TSPAN18: variants seen among roughly 807,000 people sequenced by gnomAD.
TSPAN18 encodes the protein tetraspanin 18, also known as tetraspanin-18.
In TSPAN18, 14 loss-of-function variants were observed where a neutral mutation model predicts 27.3. That is an observed-to-expected ratio of 0.51 (90% CI 0.34 to 0.80). The LOEUF is 0.80. TSPAN18 is among the 30% of genes least tolerant of loss of function. The pLI is 0.01. For missense variants in TSPAN18, 268 were observed against 323.9 expected (o/e 0.83, Z 1.32); for synonymous variants, 143 against 136.5 (o/e 1.05, Z -0.33).
intron 2 of TSPAN18, among the ~76,000 whole-genome samples, chr11:44,767,199 C>T (rs78051378): frequency 0.081 from 12,283 of 152,246 alleles, 647 homozygotes; most frequent in South Asian, 0.18. Flanking sequence ...TTGGAGCTAC[C>T]TCAAGTATGA....
chr11:44,854,300 C>A (rs2135196445), intron 2 of TSPAN18, among the ~76,000 whole-genome samples: 1 of 151,794 alleles, frequency 6.6e-6, no homozygotes, highest in South Asian at 2.1e-4. Flanking sequence ...GCACTTTGTT[C>A]CCCAGCCTCA....
In TSPAN18 at chr11:44,804,598, C is replaced by T. The variant is rs184195118; in HGVS notation, c.-153+40086C>T. 9.2e-5 allele frequency among the ~76,000 whole-genome samples: 14 copies of T among 152,306 alleles called. No individual in the cohort carries two copies. In the East Asian group the frequency reaches 9.7e-4, roughly 11 times the overall value. On this transcript the variant is annotated intron_variant, in intron 2 of 9. Coordinates refer to ENST00000520358, the MANE Select transcript of TSPAN18 (RefSeq NM_130783.5). The stretch of plus-strand genomic sequence containing the variant: ...CAGCACAGAGCCTGGCCCTCAGAAG[C>T]TCCGTAACTAACATTTGGGGACTGG...
chr11:44,851,709 C>CCGT (rs1857611085), intron 2 of TSPAN18, among the ~76,000 whole-genome samples: 2 of 151,794 alleles, frequency 1.3e-5, no homozygotes, highest in Admixed American at 6.6e-5. Flanking sequence ...TCTACACCTG[C>CCGT]CGTGCAAATG....
At chr11:44,880,610 C>T (rs1858464162) in intron 3 of TSPAN18, among the ~76,000 whole-genome samples, 1 of 152,220 alleles carries the variant, frequency 6.6e-6, no homozygotes, top group Non-Finnish European at 1.5e-5. Flanking sequence ...AAGTAGGCCA[C>T]TGAGAGATGA....
chr11:44,749,380 T>G (rs1395476912), intron 1 of TSPAN18, among the ~76,000 whole-genome samples: 2 of 152,244 alleles, frequency 1.3e-5, no homozygotes, highest in African/African-American at 4.8e-5. Context: ...TGTGGTTTTC[T>G]GATTTGCCTT....
chr11:44,911,977 A>T (rs3937802), intron 5 of TSPAN18, among the ~76,000 whole-genome samples: 1 of 132,314 alleles, frequency 7.6e-6, no homozygotes, highest in Non-Finnish European at 1.6e-5. Flanking sequence ...CTTTCTGCCT[A>T]TCTCTGTGTA....
intron 2 of TSPAN18, among the ~76,000 whole-genome samples, chr11:44,829,512 G>A (rs1857112041): frequency 2.0e-5 from 3 of 151,974 alleles, no homozygotes; most frequent in Non-Finnish European, 2.9e-5. Context: ...TTTTGGGTAC[G>A]ATAGCTCATT....
At chr11:44,837,307 C>T (rs894422407) in intron 2 of TSPAN18, among the ~76,000 whole-genome samples, 1 of 152,184 alleles carries the variant, frequency 6.6e-6, no homozygotes, top group South Asian at 2.1e-4. Context: ...GAGGAAGTAA[C>T]TGCAGATGTG....
intron 2 of TSPAN18, among the ~76,000 whole-genome samples, chr11:44,815,189 C>T (rs80248730): frequency 0.022 from 3,355 of 152,300 alleles, 130 homozygotes; most frequent in African/African-American, 0.074. Flanking sequence ...CTCCTGGGGG[C>T]TTCCAGGCCC....
chr11:44,768,064 A>C (rs1855610082), intron 2 of TSPAN18, among the ~76,000 whole-genome samples: 3 of 152,194 alleles, frequency 2.0e-5, no homozygotes, highest in African/African-American at 7.2e-5. Flanking sequence ...CTTCTCTTTC[A>C]ATTTTTGATT....
At chr11:44,864,356 G>A (rs1209629951) in intron 3 of TSPAN18, among the ~76,000 whole-genome samples, 1 of 150,794 alleles carries the variant, frequency 6.6e-6, no homozygotes, top group Non-Finnish European at 1.5e-5. Flanking sequence ...GAAAAGTGTT[G>A]GGGTTGGGGC....
chr11:44,919,179 C>G, intron 6 of TSPAN18, 35 bp from the exon 7 acceptor site: 1 of 1,573,156 alleles, frequency 6.4e-7, no homozygotes, highest in Middle Eastern at 1.7e-4. Context: ...CACCCAACTG[C>G]CAGGCCTAAG....
chr11:44,843,904 A>C (rs1283533679), intron 2 of TSPAN18, among the ~76,000 whole-genome samples: 1 of 152,202 alleles, frequency 6.6e-6, no homozygotes, highest in African/African-American at 2.4e-5. Context: ...ATATTGCTCA[A>C]ACACACATGC....
Position 44,920,006 on chromosome 11 carries a change from G to A in TSPAN18, c.615+7G>A, listed in dbSNP as rs746771482. 49 of 1,610,528 alleles carry A rather than the reference G, an allele frequency of 3.0e-5. No individual in the cohort carries two copies. The South Asian group carries it at 5.3e-4, about 17-fold the overall frequency. On this transcript the variant is annotated splice_region_variant and intron_variant, in intron 8 of 9. Coordinates refer to ENST00000520358, the MANE Select transcript of TSPAN18 (RefSeq NM_130783.5). ...CCTATTCCTAAACAAGCAGGTACTG[G>A]CCCTGCTCTCCAGACAGGGGAGTGG...
At chr11:44,747,520 C>T (rs570137563) in intron 1 of TSPAN18, among the ~76,000 whole-genome samples, 2 of 152,188 alleles carry the variant, frequency 1.3e-5, no homozygotes, top group Non-Finnish European at 2.9e-5. Context: ...TAAATATGAT[C>T]GTGAATATGA....
chr11:44,733,461 C>G (rs1273603981), intron 1 of TSPAN18, among the ~76,000 whole-genome samples: 1 of 152,214 alleles, frequency 6.6e-6, no homozygotes, highest in Non-Finnish European at 1.5e-5. Flanking sequence ...ATCTTCAGCC[C>G]AGTTCTCCCA....
chr11:44,911,706 T>G (rs943010890), intron 5 of TSPAN18, among the ~76,000 whole-genome samples: 5 of 152,010 alleles, frequency 3.3e-5, no homozygotes, highest in Admixed American at 3.3e-4. Context: ...GAAGCCAGGC[T>G]GGTGTTCTTG....
In TSPAN18 at chr11:44,801,574, A is replaced by G. The variant is rs189329897; in HGVS notation, c.-153+37062A>G. Among the ~76,000 whole-genome samples the G allele has an allele frequency of 1.4e-4, 21 of 152,328 alleles. No homozygotes were observed. The East Asian group carries it at 3.5e-3, about 25-fold the overall frequency. Reference sequence around the variant, plus strand: ...GTGGGGAATCATGGGAAAAAATGAAAAAAATATCTTCATAAGTTAGCAGTG... The same window carrying G: ...GTGGGGAATCATGGGAAAAAATGAAGAAAATATCTTCATAAGTTAGCAGTG... On this transcript the variant is annotated intron_variant, in intron 2 of 9. Coordinates refer to ENST00000520358, the MANE Select transcript of TSPAN18 (RefSeq NM_130783.5).
intron 2 of TSPAN18, among the ~76,000 whole-genome samples, chr11:44,809,313 G>A (rs908748696): frequency 2.6e-5 from 4 of 151,988 alleles, no homozygotes; most frequent in African/African-American, 4.8e-5. Flanking sequence ...TATCTCCACC[G>A]AGAGGTCTCT....
Sources: allele counts gnomAD v4.1 joint callset (sites outside exome capture counted in the v4.1 genomes callset), GRCh38; gene constraint gnomAD v4.1.1; transcripts MANE v1.5; gene names NCBI Gene and HGNC (gene_info 2026-07-23, HGNC 2026-07-21).